Variants in GRID1 observed in about 807,000 individuals in gnomAD.
GRID1 encodes glutamate receptor ionotropic, delta-1.
GRID1 carries 28 observed loss-of-function variants against 98.0 expected under a neutral mutation model. The ratio of observed to expected loss-of-function variants is 0.29; its 90% confidence interval spans 0.21 to 0.39. GRID1 has a LOEUF of 0.39. GRID1 is among the 10% of genes least tolerant of loss of function. GRID1 has a pLI of 1.00. For missense variants in GRID1, 1,111 were observed against 1,340.5 expected, an observed-to-expected ratio of 0.83 and a Z score of 2.67; for synonymous variants, 553 against 538.5, an observed-to-expected ratio of 1.03 and a Z score of -0.37.
chr10:85,698,752 A>T (rs1841420729), intron 12 of GRID1, among the ~76,000 whole-genome samples: 1 of 152,248 alleles, frequency 6.6e-6, no homozygotes, highest in Non-Finnish European at 1.5e-5. Flanking sequence ...CTGTCTGCCA[A>T]AGTGGCCATA....
chr10:86,293,173 C>T (rs1564730911), intron 2 of GRID1, among the ~76,000 whole-genome samples: 1 of 152,208 alleles, frequency 6.6e-6, no homozygotes. Context: ...GGGTCTTCCT[C>T]GAGCTCCAAC....
At chr10:85,973,055 C>A (rs1194336427) in intron 4 of GRID1, among the ~76,000 whole-genome samples, 1 of 152,210 alleles carries the variant, frequency 6.6e-6, no homozygotes, top group Non-Finnish European at 1.5e-5. Context: ...AGGCACAGAG[C>A]AAGGTGGCAC....
intron 2 of GRID1, among the ~76,000 whole-genome samples, chr10:86,255,658 G>A (rs572910462): frequency 6.6e-6 from 1 of 152,342 alleles, no homozygotes; most frequent in East Asian, 1.9e-4. Context: ...CCTCAGAGAG[G>A]ACGTGCACTG....
At chr10:86,148,453 C>A (rs1845116971) in intron 3 of GRID1, among the ~76,000 whole-genome samples, 1 of 152,176 alleles carries the variant, frequency 6.6e-6, no homozygotes, top group African/African-American at 2.4e-5. Flanking sequence ...AGGTGGTTAC[C>A]AGAAGCTGGG....
At chr10:85,914,433 A>G (rs189074255) in intron 5 of GRID1, among the ~76,000 whole-genome samples, 1 of 152,290 alleles carries the variant, frequency 6.6e-6, no homozygotes, top group East Asian at 1.9e-4. Flanking sequence ...AGAAGTCAGC[A>G]AACCCCAGAG....
At chr10:85,613,255 C>A in intron 15 of GRID1, 152 bp downstream of exon 15, 1 of 764,400 alleles carries the variant, frequency 1.3e-6, no homozygotes, top group Non-Finnish European at 2.1e-6. Context: ...CAAAATAAAA[C>A]AATAACAAAA....
chr10:86,216,573 G>A (rs1037861941), intron 2 of GRID1, among the ~76,000 whole-genome samples: 2 of 152,202 alleles, frequency 1.3e-5, no homozygotes, highest in Non-Finnish European at 2.9e-5. Context: ...CAAGAGTCCT[G>A]GGCAATTCAC....
intron 12 of GRID1, among the ~76,000 whole-genome samples, chr10:85,679,445 C>A (rs1396931552): frequency 6.6e-6 from 1 of 152,216 alleles, no homozygotes; most frequent in African/African-American, 2.4e-5. Flanking sequence ...TGACTTTTCC[C>A]CGACCAACAG....
rs201205038 is a variant in GRID1, at chr10:85,724,417, C to T, written c.1793G>A (p.Arg598Lys). The T allele has an allele frequency of 1.4e-5, 23 of 1,614,020 alleles. No homozygotes were observed. The highest frequency in any genetic ancestry group is 2.2e-5 in the East Asian group (1 of 44,874). ...AVRAQSAAQP[R>K]PSASATLHSA... ...GTGCAGAGTGGCAGAAGCTGACGGC[C>T]TGGGCTGGGCAGCACTCTGAGCCCT... The change falls in exon 11 of 16, where the codon AGG (arginine) becomes AAG (lysine). Residue 598 changes from arginine to lysine, a missense_variant. This residue lies in a region of GRID1 where 762 missense variants were observed against 869.1 expected (regional missense o/e 0.88). Coordinates refer to ENST00000327946, the MANE Select transcript of GRID1 (RefSeq NM_017551.3).
chr10:85,945,838 A>C (rs1448138050), intron 4 of GRID1, among the ~76,000 whole-genome samples: 1 of 152,246 alleles, frequency 6.6e-6, no homozygotes, highest in African/African-American at 2.4e-5. Flanking sequence ...AAGGGCTTTA[A>C]ATTATTATTT....
intron 12 of GRID1, among the ~76,000 whole-genome samples, chr10:85,662,197 AT>A (rs1840972972): frequency 6.6e-6 from 1 of 152,182 alleles, no homozygotes; most frequent in African/African-American, 2.4e-5. Flanking sequence ...TAAGACACAC[AT>A]CTCACTGCCT....
chr10:86,345,258 C>T lies in GRID1; in HGVS notation c.235+18683G>A, dbSNP rs73340272. Reference sequence around the variant, plus strand: ...CCCTTGTCATAAGCCAGCACCATCTCAACAGTATATGTAATAAAGTCACTC... The same window carrying T: ...CCCTTGTCATAAGCCAGCACCATCTTAACAGTATATGTAATAAAGTCACTC... On this transcript the variant is annotated intron_variant, in intron 2 of 15. Transcript: ENST00000327946. Among the ~76,000 whole-genome samples the T allele has an allele frequency of 9.0e-3, 1,376 of 152,324 alleles. 14 individuals carry two copies. Among genetic ancestry groups the T allele is most frequent in the South Asian group, 0.023 (109 of 4,828 alleles).
Position 85,613,290 on chromosome 10 carries a change from CT to C in GRID1, c.2601+116del. 3.0e-6 allele frequency: 3 copies of C among 1,003,102 alleles called. No individual in the cohort carries two copies. In the South Asian group the frequency reaches 5.1e-5, roughly 17 times the overall value. The allele number at this position is 1,003,102 out of a possible 1,614,324, so 62.1% of individuals were successfully genotyped here. A position where few individuals can be genotyped will look rare whatever the true frequency, so the allele number is the denominator to read the frequency against. ...ATCCCCCAATATAAAACACTGCTGC[CT>C]CCAGACAAGATGACTCAGGTAAATA... On this transcript the variant is annotated intron_variant, in intron 15 of 15. Transcript: ENST00000327946.
At chr10:85,786,392 G>C (rs1842429581) in intron 8 of GRID1, among the ~76,000 whole-genome samples, 1 of 152,208 alleles carries the variant, frequency 6.6e-6, no homozygotes, top group Non-Finnish European at 1.5e-5. Context: ...AAGATAACCT[G>C]TTCCGAGGGA....
chr10:85,869,501 G>A (rs1843255815), intron 5 of GRID1, among the ~76,000 whole-genome samples: 1 of 152,222 alleles, frequency 6.6e-6, no homozygotes, highest in African/African-American at 2.4e-5. Context: ...TAGCAAGACA[G>A]AAAGGCTAAC....
chr10:85,842,731 A>G (rs1469735165), intron 8 of GRID1, among the ~76,000 whole-genome samples: 1 of 152,086 alleles, frequency 6.6e-6, no homozygotes, highest in East Asian at 1.9e-4. Context: ...AATAACCGTT[A>G]GAGAAATTTA....
chr10:86,261,541 C>T (rs1489369979), intron 2 of GRID1, among the ~76,000 whole-genome samples: 4 of 152,188 alleles, frequency 2.6e-5, no homozygotes, highest in African/African-American at 9.7e-5. Context: ...CTCCACTAAC[C>T]GCTAGGACCC....
intron 12 of GRID1, among the ~76,000 whole-genome samples, chr10:85,678,464 G>C (rs1841170378): frequency 6.6e-6 from 1 of 152,184 alleles, no homozygotes; most frequent in African/African-American, 2.4e-5. Flanking sequence ...TAACTGGGAA[G>C]AGTGGACTTC....
chr10:86,135,473 C>A (rs1272799186), intron 4 of GRID1, among the ~76,000 whole-genome samples: 1 of 151,880 alleles, frequency 6.6e-6, no homozygotes, highest in East Asian at 1.9e-4. Flanking sequence ...TCAGCCCCAT[C>A]CTCCCTGAGG....
Sources: gnomAD v4.1 joint callset for allele counts (sites outside exome capture counted in the v4.1 genomes callset) on GRCh38, gnomAD v4.1.1 for gene constraint, gnomAD v4.1.1 regional missense constraint, MANE v1.5 for transcripts, NCBI Gene and HGNC (gene_info 2026-07-23, HGNC 2026-07-21) for gene names.